CYB5R4: variants seen among roughly 807,000 people sequenced by gnomAD.
CYB5R4 encodes the protein cytochrome b5 reductase 4.
A neutral mutation model predicts 70.2 loss-of-function variants in CYB5R4; 55 were observed. That is an observed-to-expected ratio of 0.78 (90% CI 0.63 to 0.98). The LOEUF is 0.98. Among genes scored for constraint, CYB5R4 ranks in the 50% least tolerant of loss-of-function variants. CYB5R4 has a pLI of 0.00. For missense variants in CYB5R4, 562 were observed against 612.6 expected (o/e 0.92, Z 0.87); for synonymous variants, 197 against 199.5 (o/e 0.99, Z 0.11).
At chr6:83,885,086 T>A (rs1001866995) in intron 2 of CYB5R4, among the ~76,000 whole-genome samples, 13 of 152,188 alleles carry the variant, frequency 8.5e-5, no homozygotes, top group Non-Finnish European at 1.8e-4. Context: ...AGAATATTTT[T>A]AAAATAATTT....
chr6:83,931,413 C>T (rs1046683923), intron 10 of CYB5R4, among the ~76,000 whole-genome samples: 1 of 152,204 alleles, frequency 6.6e-6, no homozygotes, highest in Non-Finnish European at 1.5e-5. Flanking sequence ...GCAGTCTTCT[C>T]TTTCTCTTCT....
chr6:83,937,721 G>T (rs1382265226), intron 12 of CYB5R4, among the ~76,000 whole-genome samples: 2 of 152,190 alleles, frequency 1.3e-5, no homozygotes, highest in Non-Finnish European at 2.9e-5. Context: ...GTTTCACTAT[G>T]TTGGCCAAGC....
rs891001748 is a variant in CYB5R4 at position 83,966,838 on chromosome 6, T to A, written c.*6960T>A. On this transcript the variant is annotated 3_prime_UTR_variant, in exon 16 of 16. Transcript: ENST00000369681. The stretch of plus-strand genomic sequence containing the variant: ...AAAAACTCTACTTAATGAAAAATCA[T>A]CCTGAAATTAACAAGAAAAATTGAA... The A allele has an allele frequency of 2.6e-5, 4 of 152,114 alleles. No individual in the cohort carries two copies. Among genetic ancestry groups the A allele is most frequent in the African/African-American group, 9.7e-5 (4 of 41,420 alleles). The allele number at this position is 152,114 out of a possible 1,614,324, so 9.4% of individuals were successfully genotyped here.
At chr6:83,899,573 C>T (rs914952435) in intron 3 of CYB5R4, among the ~76,000 whole-genome samples, 93 of 152,214 alleles carry the variant, frequency 6.1e-4, no homozygotes, top group African/African-American at 2.1e-3. Flanking sequence ...TGGTAGAATT[C>T]GGCTGTGAAT....
At chr6:83,933,744 CAA>C (rs1234241400) in intron 10 of CYB5R4, among the ~76,000 whole-genome samples, 1 of 152,050 alleles carries the variant, frequency 6.6e-6, no homozygotes. Context: ...TGTATACAAA[CAA>C]TATTTTCTGA....
chr6:83,906,083 C>T (rs2129137110), intron 3 of CYB5R4, among the ~76,000 whole-genome samples: 1 of 152,242 alleles, frequency 6.6e-6, no homozygotes, highest in East Asian at 1.9e-4. Flanking sequence ...AATCCCCAGG[C>T]TATCAGTGGA....
chr6:83,876,011 G>T (rs2099458486), intron 2 of CYB5R4, among the ~76,000 whole-genome samples: 2 of 152,238 alleles, frequency 1.3e-5, no homozygotes, highest in East Asian at 3.9e-4. Flanking sequence ...GAACGCCTCT[G>T]ACAGTAGGGA....
intron 1 of CYB5R4, among the ~76,000 whole-genome samples, chr6:83,860,919 G>GA (rs1355603203): frequency 6.6e-6 from 1 of 152,184 alleles, no homozygotes; most frequent in East Asian, 1.9e-4. Context: ...CTATTTCGCA[G>GA]AAAAGGAAAC....
chr6:83,911,886 AG>A (rs2099464747), intron 4 of CYB5R4, among the ~76,000 whole-genome samples: 1 of 151,702 alleles, frequency 6.6e-6, no homozygotes. Flanking sequence ...TCTACAAAAA[AG>A]AAAAAAAAAT....
intron 3 of CYB5R4, among the ~76,000 whole-genome samples, chr6:83,899,156 TGA>T (rs2099462432): frequency 6.6e-6 from 1 of 152,236 alleles, no homozygotes; most frequent in African/African-American, 2.4e-5. Flanking sequence ...CCTAATTTAT[TGA>T]GAGTTTTTAG....
chr6:83,952,205 G>A (rs2099471666), intron 14 of CYB5R4, among the ~76,000 whole-genome samples: 2 of 152,126 alleles, frequency 1.3e-5, no homozygotes, highest in Admixed American at 6.6e-5. Context: ...ACCAATAGAA[G>A]ATAGAAGACA....
intron 4 of CYB5R4, among the ~76,000 whole-genome samples, chr6:83,913,753 A>AT (rs903811395): frequency 5.6e-4 from 84 of 151,182 alleles, no homozygotes; most frequent in African/African-American, 1.9e-3. Flanking sequence ...AGCTTATCCC[A>AT]TTTTTTTTTA....
chr6:83,859,842 C>T lies in CYB5R4; in HGVS notation c.60C>T (p.Ser20=). 6.2e-7 allele frequency: 1 copy of T among 1,612,854 alleles called. No individual in the cohort carries two copies. Among genetic ancestry groups the T allele is most frequent in the Non-Finnish European group, 8.5e-7 (1 of 1,179,666 alleles). ...CCAGGTCGCAGCAGCGTGTCGCCTC[C>T]GGGGGGCGTAGCAAGGTAAGCGGGT... ...PAPRSQQRVA[S]GGRSKVPLKQ... is the part of the protein sequence containing the mutation. Residue 20 remains serine, a synonymous_variant, in exon 1 of 16, where the codon TCC becomes TCT. Coordinates refer to ENST00000369681, the MANE Select transcript of CYB5R4 (RefSeq NM_016230.4).
At chr6:83,897,212 C>T (rs1162735727) in intron 3 of CYB5R4, among the ~76,000 whole-genome samples, 1 of 152,110 alleles carries the variant, frequency 6.6e-6, no homozygotes, top group Non-Finnish European at 1.5e-5. Context: ...TTTCCAGCTT[C>T]ATCCATGTCC....
At chr6:83,907,357 T>A (rs891966801) in intron 3 of CYB5R4, among the ~76,000 whole-genome samples, 1 of 152,228 alleles carries the variant, frequency 6.6e-6, no homozygotes, top group African/African-American at 2.4e-5. Context: ...TCAGTTCTTT[T>A]CCTTGAAGCA....
chr6:83,927,273 C>T lies in CYB5R4; in HGVS notation c.814+2681C>T, dbSNP rs1411800017. ...CCTAGTCTTACCGCTCCACTCAGAA[C>T]ACTAAAATGTGAGATTTCTTCTCAC... is the stretch of plus-strand genomic sequence containing the variant. On this transcript the variant is annotated intron_variant, in intron 10 of 15. Transcript: ENST00000369681. 2.6e-5 allele frequency among the ~76,000 whole-genome samples: 4 copies of T among 152,260 alleles called. No individual in the cohort carries two copies. The South Asian group carries it at 8.3e-4, about 32-fold the overall frequency.
At chr6:83,936,647 A>G (rs1046247399) in intron 12 of CYB5R4, among the ~76,000 whole-genome samples, 3 of 152,134 alleles carry the variant, frequency 2.0e-5, no homozygotes, top group Non-Finnish European at 4.4e-5. Context: ...GTCAGCCGCT[A>G]AGTTCTGTTG....
chr6:83,947,120 C>T (rs1229681402), intron 14 of CYB5R4, among the ~76,000 whole-genome samples: 1 of 152,102 alleles, frequency 6.6e-6, no homozygotes, highest in Non-Finnish European at 1.5e-5. Flanking sequence ...GCAAAAAGAA[C>T]AAAGCTGGAG....
At chr6:83,870,456 T>C (rs1187079263) in intron 2 of CYB5R4, among the ~76,000 whole-genome samples, 11 of 149,942 alleles carry the variant, frequency 7.3e-5, no homozygotes, top group Admixed American at 4.0e-4. Flanking sequence ...TTTTTTTTTT[T>C]CCTAGGTTTC....
Sources: gnomAD v4.1 joint callset for allele counts (sites outside exome capture counted in the v4.1 genomes callset) on GRCh38, gnomAD v4.1.1 for gene constraint, MANE v1.5 for transcripts, NCBI Gene and HGNC (gene_info 2026-07-23, HGNC 2026-07-21) for gene names.